The following ARHGAP15 variants were observed in gnomAD, a reference collection of about 807,000 sequenced individuals.
ARHGAP15 encodes Rho GTPase activating protein 15.
In ARHGAP15, 51 loss-of-function variants were observed where a neutral mutation model predicts 63.7. That is an observed-to-expected ratio of 0.80 (90% CI 0.64 to 1.01). ARHGAP15 has a LOEUF of 1.01. Among genes scored for constraint, ARHGAP15 ranks in the 50% least tolerant of loss-of-function variants. The pLI is 0.00. For synonymous variants in ARHGAP15, 191 were observed against 193.8 expected (o/e 0.99, Z 0.12); for missense variants, 560 against 564.6 (o/e 0.99, Z 0.08).
At chr2:143,491,874 T>TTCA (rs1359035672) in intron 9 of ARHGAP15, among the ~76,000 whole-genome samples, 4 of 152,074 alleles carry the variant, frequency 2.6e-5, no homozygotes, top group Non-Finnish European at 5.9e-5. Flanking sequence ...CTTAGCTTTT[T>TTCA]TTATTATTAT....
intron 6 of ARHGAP15, chr2:143,305,542 A>G (rs1683127182): frequency 6.6e-6 from 1 of 152,124 alleles, no homozygotes; most frequent in East Asian, 1.9e-4. Flanking sequence ...TTGTAATATA[A>G]GTTTTGTTTG....
chr2:143,466,538 G>C (rs910015733), intron 8 of ARHGAP15, among the ~76,000 whole-genome samples: 12 of 151,982 alleles, frequency 7.9e-5, no homozygotes, highest in African/African-American at 2.7e-4. Flanking sequence ...TTCTGGTTTA[G>C]TTCTTCAAGT....
chr2:143,585,324 G>T (rs1697069879), intron 11 of ARHGAP15, among the ~76,000 whole-genome samples: 2 of 152,100 alleles, frequency 1.3e-5, no homozygotes, highest in South Asian at 2.1e-4. Context: ...TTAAATAACT[G>T]CTATAAAATT....
At chr2:143,309,320 T>C (rs1159573912) in intron 6 of ARHGAP15, among the ~76,000 whole-genome samples, 5 of 152,130 alleles carry the variant, frequency 3.3e-5, no homozygotes, top group Non-Finnish European at 7.4e-5. Context: ...CTGTTGGCTC[T>C]GCTGAGAGCA....
chr2:143,515,656 G>A (rs1226465741), intron 9 of ARHGAP15, among the ~76,000 whole-genome samples: 1 of 152,146 alleles, frequency 6.6e-6, no homozygotes, highest in Admixed American at 6.5e-5. Flanking sequence ...ATTGACCAGA[G>A]CTATCTAATC....
At chr2:143,173,845 C>T (rs564479159) in intron 2 of ARHGAP15, among the ~76,000 whole-genome samples, 317 of 152,106 alleles carry the variant, frequency 2.1e-3, no homozygotes, top group African/African-American at 7.3e-3. Flanking sequence ...AAATGTCAAC[C>T]GTATGTTAGA....
At chr2:143,393,430 G>T (rs780029016) in intron 6 of ARHGAP15, among the ~76,000 whole-genome samples, 2 of 151,978 alleles carry the variant, frequency 1.3e-5, no homozygotes, top group Non-Finnish European at 2.9e-5. Context: ...TTACTTAATT[G>T]TTACTTAAGA....
chr2:143,749,694 AT>A (rs1433959652), intron 13 of ARHGAP15, among the ~76,000 whole-genome samples: 1 of 152,250 alleles, frequency 6.6e-6, no homozygotes. Context: ...TTATTTTAAC[AT>A]TTAATAATCA....
chr2:143,703,531 T>A lies in ARHGAP15; in HGVS notation c.1244+7T>A, dbSNP rs767736353. ...TCTTTGGACATCTAACTAAGTAAGT[T>A]GTAAGGATTTCTGGATGTGTCATTT... On this transcript the variant is annotated splice_region_variant and intron_variant, in intron 13 of 13. Transcript: ENST00000295095. The A allele has an allele frequency of 6.3e-7, 1 of 1,589,926 alleles. No homozygotes were observed. Among genetic ancestry groups the A allele is most frequent in the South Asian group, 1.1e-5 (1 of 86,972 alleles).
At chr2:143,695,216 A>T (rs1683788752) in intron 12 of ARHGAP15, among the ~76,000 whole-genome samples, 2 of 152,242 alleles carry the variant, frequency 1.3e-5, no homozygotes, top group African/African-American at 4.8e-5. Context: ...TTCACAGGAA[A>T]ATTGAATTAG....
intron 6 of ARHGAP15, among the ~76,000 whole-genome samples, chr2:143,423,811 T>C (rs925462828): frequency 6.6e-6 from 1 of 152,176 alleles, no homozygotes; most frequent in Non-Finnish European, 1.5e-5. Context: ...GTAGCCCTTA[T>C]AATGGTCCTA....
At chr2:143,516,565 A>G (rs1693830243) in intron 9 of ARHGAP15, among the ~76,000 whole-genome samples, 1 of 152,134 alleles carries the variant, frequency 6.6e-6, no homozygotes, top group Non-Finnish European at 1.5e-5. Flanking sequence ...AAACTTCTCG[A>G]TATTGTTTTT....
At chr2:143,176,852 T>C (rs2105060588) in intron 2 of ARHGAP15, among the ~76,000 whole-genome samples, 1 of 152,274 alleles carries the variant, frequency 6.6e-6, no homozygotes, top group East Asian at 1.9e-4. Flanking sequence ...CTAATGCTAT[T>C]GTTTCCTGAA....
At chr2:143,371,033 T>C (rs1176295993) in intron 6 of ARHGAP15, among the ~76,000 whole-genome samples, 1 of 152,176 alleles carries the variant, frequency 6.6e-6, no homozygotes. Context: ...TTGGGGAATT[T>C]TATTTGTTTT....
At chr2:143,737,256 T>C (rs1685781904) in intron 13 of ARHGAP15, among the ~76,000 whole-genome samples, 1 of 152,248 alleles carries the variant, frequency 6.6e-6, no homozygotes, top group Admixed American at 6.5e-5. Flanking sequence ...GTCTCCTGCA[T>C]TCTCTTCATT....
chr2:143,339,703 C>T (rs183892355), intron 6 of ARHGAP15, among the ~76,000 whole-genome samples: 19 of 152,248 alleles, frequency 1.2e-4, no homozygotes, highest in East Asian at 1.2e-3. Context: ...TGCTTCTCCA[C>T]GGTGCCTATG....
At chr2:143,683,941 G>A (rs755463582) in intron 12 of ARHGAP15, among the ~76,000 whole-genome samples, 3 of 152,020 alleles carry the variant, frequency 2.0e-5, no homozygotes, top group Non-Finnish European at 4.4e-5. Context: ...AACTAATCAG[G>A]ATAGCAAGGT....
At chr2:143,436,108 G>C (rs1689601370) in intron 7 of ARHGAP15, among the ~76,000 whole-genome samples, 1 of 151,680 alleles carries the variant, frequency 6.6e-6, no homozygotes, top group African/African-American at 2.4e-5. Context: ...CCTTTGTACT[G>C]ATTTTTATTA....
intron 6 of ARHGAP15, among the ~76,000 whole-genome samples, chr2:143,321,919 C>T (rs1265416639): frequency 6.6e-6 from 1 of 152,164 alleles, no homozygotes; most frequent in Non-Finnish European, 1.5e-5. Flanking sequence ...CTCAAGCAAT[C>T]CTCCTGCCTT....
Sources: gnomAD v4.1 joint callset for allele counts (sites outside exome capture counted in the v4.1 genomes callset) on GRCh38, gnomAD v4.1.1 for gene constraint, MANE v1.5 for transcripts, NCBI Gene and HGNC (gene_info 2026-07-23, HGNC 2026-07-21) for gene names.